Variants in SLC37A1 observed in about 807,000 individuals in gnomAD.
SLC37A1 encodes the protein glucose-6-phosphate exchanger SLC37A1.
In SLC37A1, 49 loss-of-function variants were observed where a neutral mutation model predicts 75.3. That is an observed-to-expected ratio of 0.65 (90% CI 0.52 to 0.83). The LOEUF is 0.83. SLC37A1 is among the 40% of genes least tolerant of loss of function. The pLI is 0.00. For missense variants in SLC37A1, 566 were observed against 695.0 expected (o/e 0.81, Z 2.09); for synonymous variants, 268 against 292.1 (o/e 0.92, Z 0.84).
At chr21:42,549,256 G>A (rs1044454924) in intron 9 of SLC37A1, among the ~76,000 whole-genome samples, 1 of 152,174 alleles carries the variant, frequency 6.6e-6, no homozygotes, top group Admixed American at 6.5e-5. Context: ...CTGAGGATAG[G>A]AAGCAGGCGT....
rs531940860 is a variant in SLC37A1, at chr21:42,529,911, A to G, written c.138+4054A>G. 1.1e-4 allele frequency among the ~76,000 whole-genome samples: 17 copies of G among 152,326 alleles called. No individual in the cohort carries two copies. In the East Asian group the frequency reaches 3.1e-3, roughly 28 times the overall value. Reference sequence around the variant, plus strand: ...GCGTTAGCGCCTTTTGGTGACACCCAGTGAAATAAAAAACACTACAGCCTT... The same window carrying G: ...GCGTTAGCGCCTTTTGGTGACACCCGGTGAAATAAAAAACACTACAGCCTT... On this transcript the variant is annotated intron_variant, in intron 3 of 19. Transcript: ENST00000352133.
rs780429938 is a variant in SLC37A1, at chr21:42,525,909, T to G, written c.138+52T>G. The G allele has an allele frequency of 5.7e-6, 8 of 1,407,722 alleles. No individual in the cohort carries two copies. In the African/African-American group the frequency reaches 9.9e-5, roughly 17 times the overall value. The allele number at this position is 1,407,722 out of a possible 1,614,324, so 87.2% of individuals were successfully genotyped here. Reference sequence around the variant, plus strand: ...TCGTCTCTGTGAGGAGTTCGTCACTTGAAAAGCTTGTGGGGCAGAGGATGG... The same window carrying G: ...TCGTCTCTGTGAGGAGTTCGTCACTGGAAAAGCTTGTGGGGCAGAGGATGG... On this transcript the variant is annotated intron_variant, in intron 3 of 19. Transcript: ENST00000352133.
rs199529989 is a variant in SLC37A1 at position 42,580,325 on chromosome 21, T to A, written c.1587-20T>A. 2.1e-3 allele frequency: 3,312 copies of A among 1,611,586 alleles called. 37 individuals are homozygous for A. The East Asian group carries it at 0.023, about 11-fold the overall frequency. Reference sequence around the variant, plus strand: ...CACTGCTGGCTGTTAGAGCAGCTCTTCTTTCAACCTTTCTTTCAGATTTAA... The same window carrying A: ...CACTGCTGGCTGTTAGAGCAGCTCTACTTTCAACCTTTCTTTCAGATTTAA... On this transcript the variant is annotated intron_variant, in intron 19 of 19. Transcript: ENST00000352133.
chr21:42,574,734 T>C, intron 17 of SLC37A1, 84 bp from the exon 18 acceptor site: 1 of 1,312,100 alleles, frequency 7.6e-7, no homozygotes. Flanking sequence ...GAGTGAGGTG[T>C]TGAGCCCCAT....
rs571568901 is a variant in SLC37A1 at position 42,575,355 on chromosome 21, C to G, written c.1521+440C>G. On this transcript the variant is annotated intron_variant, in intron 18 of 19. Coordinates refer to ENST00000352133, the MANE Select transcript of SLC37A1 (RefSeq NM_001320537.2). ...TGGTCATCAGTGTCCTGGTGTCCCT[C>G]CTGCAGCCATGCTGTCAGACGGCGG... The G allele has an allele frequency of 2.7e-5, 27 of 985,486 alleles. No individual in the cohort carries two copies. In the South Asian group the frequency reaches 1.1e-3, roughly 39 times the overall value. The allele number at this position is 985,486 out of a possible 1,614,324, so 61.0% of individuals were successfully genotyped here.
chr21:42,510,555 C>A (rs527864468), upstream of SLC37A1, among the ~76,000 whole-genome samples: 42 of 151,650 alleles, frequency 2.8e-4, no homozygotes, highest in Non-Finnish European at 4.9e-4. Flanking sequence ...GGATTAAATT[C>A]TGCAATCAAA....
intron 6 of SLC37A1, 52 bp downstream of exon 6, chr21:42,539,699 G>T (rs751344695): frequency 6.4e-7 from 1 of 1,562,614 alleles, no homozygotes; most frequent in Non-Finnish European, 8.7e-7. Flanking sequence ...TTGGTGAATA[G>T]GGTGGAGTGT....
At chr21:42,507,211 A>G (rs937869111) in intron 2 of SLC37A1, among the ~76,000 whole-genome samples, 22 of 152,242 alleles carry the variant, frequency 1.4e-4, no homozygotes, top group African/African-American at 5.1e-4. Context: ...ATTGAGTTAC[A>G]TAAGTCTTTT....
intron 11 of SLC37A1, among the ~76,000 whole-genome samples, chr21:42,560,948 C>A (rs1397039556): frequency 6.6e-6 from 1 of 152,144 alleles, no homozygotes; most frequent in South Asian, 2.1e-4. Flanking sequence ...AGTGTTCAGG[C>A]AAGTGTGGCA....
Position 42,562,066 on chromosome 21 carries a change from T to C in SLC37A1, c.982-12T>C, listed in dbSNP as rs201280124. On this transcript the variant is annotated splice_polypyrimidine_tract_variant and intron_variant, in intron 11 of 19. Transcript: ENST00000352133. ...ACATTTGGAGGAGACGCCTGACTGC[T>C]CTCTCTTTCAGGGCGTGATAGAGTT... 3.8e-4 allele frequency: 618 copies of C among 1,611,706 alleles called. 1 individual carries two copies. The highest frequency in any genetic ancestry group is 4.5e-4 in the Non-Finnish European group (528 of 1,177,772).
rs753729796 is a variant in SLC37A1, at chr21:42,542,451, C to G, written c.534C>G (p.Thr178=). 2 of 1,613,962 alleles carry G rather than the reference C, an allele frequency of 1.2e-6. No individual in the cohort carries two copies. The highest frequency in any genetic ancestry group is 2.2e-5 in the East Asian group (1 of 44,896). ...CCACCGGCTGGCCCAGCGTCGTCACCTGCCTCGGCAACTGGTTTGGAAAAG... is the reference window on the plus strand; with the variant it reads ...CCACCGGCTGGCCCAGCGTCGTCACGTGCCTCGGCAACTGGTTTGGAAAAG... ...VQTTGWPSVV[T]CLGNWFGKGR... is the part of the protein sequence containing the mutation. The change falls in exon 7 of 20, where the codon ACC becomes ACG. Residue 178 remains threonine, a synonymous_variant. Coordinates refer to ENST00000352133, the MANE Select transcript of SLC37A1 (RefSeq NM_001320537.2).
chr21:42,568,026 G>C (rs1242569809), intron 16 of SLC37A1, among the ~76,000 whole-genome samples: 1 of 152,282 alleles, frequency 6.6e-6, no homozygotes, highest in African/African-American at 2.4e-5. Flanking sequence ...CGCAGCTCAG[G>C]GCAGGGGCGC....
At position 42,547,293 on chromosome 21, in the gene SLC37A1, A is replaced by G. The variant is rs2055434052; in HGVS notation, c.768+153A>G. ...ATTGGCAGTTCTAGGAATAGAGAATATTCTGTTTTGGGTTTCGCTGATAAT... is the reference window on the plus strand; with the variant it reads ...ATTGGCAGTTCTAGGAATAGAGAATGTTCTGTTTTGGGTTTCGCTGATAAT... On this transcript the variant is annotated intron_variant, in intron 9 of 19. Transcript: ENST00000352133. The surrounding 1 kb of genome is among the most constrained non-coding windows in gnomAD (Gnocchi z 6.1). 3 of 822,784 alleles carry G rather than the reference A, an allele frequency of 3.6e-6. No individual in the cohort carries two copies. The South Asian group carries it at 5.0e-5, about 14-fold the overall frequency. The allele number at this position is 822,784 out of a possible 1,614,324, so 51.0% of individuals were successfully genotyped here.
chr21:42,579,049 A>G (rs765950244), intron 18 of SLC37A1, among the ~76,000 whole-genome samples: 1 of 152,252 alleles, frequency 6.6e-6, no homozygotes, highest in Non-Finnish European at 1.5e-5. Context: ...CACACTGGAA[A>G]ATGCACTAGT....
intron 3 of SLC37A1, among the ~76,000 whole-genome samples, chr21:42,529,737 G>A (rs1371286000): frequency 6.6e-6 from 1 of 152,202 alleles, no homozygotes; most frequent in African/African-American, 2.4e-5. Flanking sequence ...CAGGAAATAT[G>A]TGAATGGTGT....
intron 6 of SLC37A1, among the ~76,000 whole-genome samples, chr21:42,541,728 C>T (rs1019241565): frequency 6.6e-6 from 1 of 152,166 alleles, no homozygotes; most frequent in Non-Finnish European, 1.5e-5. Flanking sequence ...AAGGTTTTCT[C>T]TCTTTAAAAA....
At chr21:42,576,696 C>G (rs1466490922) in intron 18 of SLC37A1, among the ~76,000 whole-genome samples, 1 of 152,038 alleles carries the variant, frequency 6.6e-6, no homozygotes, top group African/African-American at 2.4e-5. Context: ...AAAGACAGAG[C>G]AGGCTTCAAA....
intron 13 of SLC37A1, among the ~76,000 whole-genome samples, chr21:42,564,240 G>T (rs922516248): frequency 6.6e-5 from 2 of 30,496 alleles, no homozygotes; most frequent in Non-Finnish European, 1.9e-4. Flanking sequence ...AAAAAAAAAA[G>T]CATAGCTGGG....
At chr21:42,542,258 CT>C (rs1450035876) in intron 6 of SLC37A1, 145 bp from the exon 7 acceptor site, 1 of 554,180 alleles carries the variant, frequency 1.8e-6, no homozygotes, top group Admixed American at 3.5e-5. Context: ...GTAGTTTAAA[CT>C]GTATATAAAT....
Sources: gnomAD v4.1 joint callset for allele counts (sites outside exome capture counted in the v4.1 genomes callset) on GRCh38, gnomAD v4.1.1 for gene constraint, Gnocchi (gnomAD v3.1) non-coding constraint, MANE v1.5 for transcripts, NCBI Gene and HGNC (gene_info 2026-07-23, HGNC 2026-07-21) for gene names.